Variants in CFAP65 observed in about 807,000 individuals in gnomAD.
The protein encoded by CFAP65 is cilia and flagella associated protein 65.
CFAP65 carries 155 observed loss-of-function variants against 208.0 expected under a neutral mutation model. That is an observed-to-expected ratio of 0.75 (90% CI 0.65 to 0.85). The LOEUF (loss-of-function observed/expected upper bound fraction) is 0.85. Among genes scored for constraint, CFAP65 ranks in the 40% least tolerant of loss-of-function variants. CFAP65 has a pLI of 0.00. For synonymous variants in CFAP65, 970 were observed against 986.3 expected (o/e 0.98, Z 0.31); for missense variants, 2,294 against 2,451.3 (o/e 0.94, Z 1.36).
At chr2:219,040,403 G>T in intron 2 of CFAP65, 116 bp downstream of exon 2, 6 of 701,324 alleles carry the variant, frequency 8.6e-6, no homozygotes, top group East Asian at 2.8e-5. Flanking sequence ...TTGGCAACAT[G>T]TCTAAACCCT....
At chr2:219,035,128 C>A in intron 5 of CFAP65, 7 of 453,590 alleles carry the variant, frequency 1.5e-5, no homozygotes, top group Non-Finnish European at 1.1e-5. Context: ...CTTCATAAGA[C>A]TCCAAAATCA....
At chr2:219,035,096 G>A (rs1178357705) in intron 5 of CFAP65, 56 of 430,976 alleles carry the variant, frequency 1.3e-4, no homozygotes, top group South Asian at 2.9e-4. Flanking sequence ...TAACAACTAC[G>A]CAGGAAAAAA....
Position 219,031,265 on chromosome 2 carries a change from A to G in CFAP65, c.856T>C (p.Phe286Leu). Residue 286 changes from phenylalanine (F) to leucine (L), a missense_variant, in exon 8 of 35, where the codon TTC becomes CTC. Coordinates refer to ENST00000341552, the MANE Select transcript of CFAP65 (RefSeq NM_194302.4). The surrounding 1 kb of genome is among the most constrained non-coding windows in gnomAD (Gnocchi z 5.2). ...TFFTWEFSSPFQMLPATGLLE... is the reference protein window; with the variant it reads ...TFFTWEFSSPLQMLPATGLLE... ...AGCCCCGTGGCGGGCAGCATCTGGA[A>G]TGGGCTGGAGAACTCCCAGGTGAAG... The G allele has an allele frequency of 6.2e-6, 10 of 1,613,918 alleles. No homozygotes were observed. Among genetic ancestry groups the G allele is most frequent in the Non-Finnish European group, 8.5e-6 (10 of 1,179,938 alleles).
rs767425529 is a variant in CFAP65, at chr2:219,010,622, C to T, written c.4232G>A (p.Gly1411Glu). ...GATGTTGTGGAATGGGGCTGTGTCC[C>T]CCATCATATGGGGGTTGTAGCCCAC... ...QGVGYNPHMM[G>E]DTAPFHNISS... The change falls in exon 26 of 35, where the codon GGG becomes GAG. Residue 1411 changes from glycine to glutamate, a missense_variant. Transcript: ENST00000341552. The T allele has an allele frequency of 2.5e-6, 4 of 1,612,188 alleles. No homozygotes were observed. The highest frequency in any genetic ancestry group is 1.7e-6 in the Non-Finnish European group (2 of 1,179,656).
rs1435275051 is a variant in CFAP65, at chr2:219,013,250, A to G, written c.3957+9T>C. ...CTTCTTGGTCAACAGGACAATGTGG[A>G]CCACTGACCTGCCGTGGGGGTAGCG... is the stretch of plus-strand genomic sequence containing the variant. On this transcript the variant is annotated intron_variant, in intron 24 of 34. Transcript: ENST00000341552. 6.3e-7 allele frequency: 1 copy of G among 1,590,152 alleles called. No homozygotes were observed. The highest frequency in any genetic ancestry group is 8.6e-7 in the Non-Finnish European group (1 of 1,159,358).
intron 5 of CFAP65, chr2:219,034,221 C>T (rs1948217465): frequency 6.6e-6 from 1 of 152,084 alleles, no homozygotes; most frequent in Non-Finnish European, 1.5e-5. Flanking sequence ...CAATCAAAAT[C>T]TCAAGAAGTG....
chr2:219,026,798 T>C (rs2106203489), intron 13 of CFAP65: 4 of 986,120 alleles, frequency 4.1e-6, no homozygotes, highest in Middle Eastern at 5.2e-4. Flanking sequence ...CCTAAATATC[T>C]GACAGGCTGA....
Position 219,027,721 on chromosome 2 carries a change from G to A in CFAP65, c.2140C>T (p.Arg714Cys), listed in dbSNP as rs549742805. ...DVPPLKSMAMRLHFQPPHPNC... is the reference protein window; with the variant it reads ...DVPPLKSMAMCLHFQPPHPNC... ...GGGTGAGGCGGCTGGAAGTGCAGGCGCATGGCCATGGACTTGAGTGGGGGC... is the reference window on the plus strand; with the variant it reads ...GGGTGAGGCGGCTGGAAGTGCAGGCACATGGCCATGGACTTGAGTGGGGGC... The change falls in exon 13 of 35, where the codon CGC becomes TGC. Residue 714 changes from arginine to cysteine, a missense_variant. By Grantham distance (180) the Arg-to-Cys change is radical (BLOSUM62 -3). Transcript: ENST00000341552. 1.3e-4 allele frequency: 209 copies of A among 1,614,062 alleles called. No homozygotes were observed. The highest frequency in any genetic ancestry group is 1.2e-3 in the Admixed American group (73 of 60,024).
chr2:219,010,436 C>T (rs941683514), intron 26 of CFAP65, 110 bp downstream of exon 26: 3 of 1,203,922 alleles, frequency 2.5e-6, no homozygotes, highest in African/African-American at 1.6e-5. Flanking sequence ...TCTGTCCCTC[C>T]TCAACTACAT....
At chr2:219,016,101 C>T (rs754719178) in intron 21 of CFAP65, among the ~76,000 whole-genome samples, 1 of 152,128 alleles carries the variant, frequency 6.6e-6, no homozygotes, top group Non-Finnish European at 1.5e-5. Context: ...GAGGGGGCTG[C>T]GGAGCTTCTT....
chr2:219,039,143 G>C, intron 2 of CFAP65, 93 bp from the exon 3 acceptor site: 13 of 1,113,422 alleles, frequency 1.2e-5, no homozygotes, highest in Admixed American at 2.3e-5. Flanking sequence ...AATATATGTG[G>C]CACATATATT....
Position 219,030,092 on chromosome 2 carries a change from C to T in CFAP65, c.1278G>A (p.Val426=), listed in dbSNP as rs767509027. The change falls in exon 10 of 35, where the codon GTG becomes GTA. Residue 426 remains valine (V), a synonymous_variant. Transcript: ENST00000341552. ...TGTCCAGAGTCTTGGGGTGGAAGAACACCGACACACATTTCTTCTCTCCCG... is the reference window on the plus strand; with the variant it reads ...TGTCCAGAGTCTTGGGGTGGAAGAATACCGACACACATTTCTTCTCTCCCG... ...VLPGEKKCVS[V]FFHPKTLDTR... 3.1e-6 allele frequency: 5 copies of T among 1,613,982 alleles called. No individual in the cohort carries two copies. Among genetic ancestry groups the T allele is most frequent in the Non-Finnish European group, 4.2e-6 (5 of 1,180,004 alleles).
At chr2:219,009,757 G>C in intron 27 of CFAP65, among the ~76,000 whole-genome samples, 185 bp downstream of exon 27, 1 of 88,194 alleles carries the variant, frequency 1.1e-5, no homozygotes, top group Non-Finnish European at 2.3e-5. Flanking sequence ...GGGATGGAGT[G>C]GGGTGGGATG....
At position 219,041,438 on chromosome 2, in the gene CFAP65, G is replaced by A. The variant is rs563223948; in HGVS notation, c.-49+50C>T. 3.6e-5 allele frequency: 55 copies of A among 1,547,162 alleles called. No homozygotes were observed. The African/African-American group carries it at 6.8e-4, about 19-fold the overall frequency. On this transcript the variant is annotated intron_variant, in intron 1 of 34. Transcript: ENST00000341552. The stretch of plus-strand genomic sequence containing the variant: ...GGACAGATACCTTCCCTGGCCACTC[G>A]CGCCGCTCCCTGAGACCCTGGGACC...
Position 219,030,908 on chromosome 2 carries a change from G to A in CFAP65, c.1016-74C>T, listed in dbSNP as rs1186518870. ...GGCCCCAGCTGAACAGCCCCTCGAA[G>A]AAGGCAGGTGGCCCCAGGGAAAATT... On this transcript the variant is annotated intron_variant, in intron 8 of 34. Transcript: ENST00000341552. The A allele has an allele frequency of 3.9e-6, 6 of 1,542,032 alleles. No individual in the cohort carries two copies. In the African/African-American group the frequency reaches 8.3e-5, roughly 21 times the overall value.
chr2:219,039,580 A>T (rs1948558681), intron 2 of CFAP65, among the ~76,000 whole-genome samples: 1 of 152,254 alleles, frequency 6.6e-6, no homozygotes, highest in Non-Finnish European at 1.5e-5. Flanking sequence ...TGCAATCCAC[A>T]TGTGTACTTT....
intron 4 of CFAP65, among the ~76,000 whole-genome samples, chr2:219,036,502 T>C (rs1490254374): frequency 6.6e-6 from 1 of 151,950 alleles, no homozygotes; most frequent in African/African-American, 2.4e-5. Context: ...TGCAGTATAA[T>C]GGCACAATCT....
At position 219,023,239 on chromosome 2, in the gene CFAP65, A is replaced by C; in HGVS notation, c.2788T>G (p.Ser930Ala). Residue 930 changes from serine (S) to alanine (A), a missense_variant, in exon 16 of 35, where the codon TCC (serine) becomes GCC (alanine). Around this residue, in one of 2 missense-constraint regions of CFAP65, gnomAD observed 1,427 missense variants for 1,438.7 expected, o/e 0.99. Transcript: ENST00000341552. ...TCGTTGGGCTGGATTAGCCCCCTGGAGGGCTGGACAGCCAGCAGCTTTCGA... is the reference window on the plus strand; with the variant it reads ...TCGTTGGGCTGGATTAGCCCCCTGGCGGGCTGGACAGCCAGCAGCTTTCGA... ...QHRKLLAVQPSRGLIQPNERL... is the reference protein window; with the variant it reads ...QHRKLLAVQPARGLIQPNERL... 1.2e-6 allele frequency: 2 copies of C among 1,612,668 alleles called. No homozygotes were observed. Among genetic ancestry groups the C allele is most frequent in the South Asian group, 1.1e-5 (1 of 90,854 alleles).
chr2:219,031,609 C>T lies in CFAP65; in HGVS notation c.695G>A (p.Cys232Tyr), dbSNP rs961468763. 1.2e-5 allele frequency: 19 copies of T among 1,614,020 alleles called. No individual in the cohort carries two copies. The highest frequency in any genetic ancestry group is 1.4e-5 in the Non-Finnish European group (17 of 1,179,930). Reference protein sequence around the residue: ...LWFEKAEGMFCVGLRATLPCH... With the variant: ...LWFEKAEGMFYVGLRATLPCH... ...GGGCAGGGTGGCCCGTAGGCCGACACAGAACATCCCCTCCGCTTTCTCAAA... is the reference window on the plus strand; with the variant it reads ...GGGCAGGGTGGCCCGTAGGCCGACATAGAACATCCCCTCCGCTTTCTCAAA... The change falls in exon 7 of 35, where the codon TGT becomes TAT. Residue 232 changes from cysteine (C) to tyrosine (Y), a missense_variant. Physicochemically the swap from Cys to Tyr is radical, Grantham distance 194 (BLOSUM62 -2). Around this residue, in one of 2 missense-constraint regions of CFAP65, gnomAD observed 867 missense variants for 1,012.6 expected, o/e 0.86. Transcript: ENST00000341552. The surrounding 1 kb of genome is among the most constrained non-coding windows in gnomAD (Gnocchi z 5.2).
Sources: gnomAD v4.1 joint callset for allele counts (sites outside exome capture counted in the v4.1 genomes callset) on GRCh38, gnomAD v4.1.1 for gene constraint, gnomAD v4.1.1 regional missense constraint, Gnocchi (gnomAD v3.1) non-coding constraint, MANE v1.5 for transcripts, NCBI Gene and HGNC (gene_info 2026-07-23, HGNC 2026-07-21) for gene names.